Variants in TMEM132D observed in about 807,000 individuals in gnomAD.
TMEM132D encodes transmembrane protein 132D.
TMEM132D carries 21 observed loss-of-function variants against 62.3 expected under a neutral mutation model. That is an observed-to-expected ratio of 0.34 (90% CI 0.24 to 0.49). The LOEUF is 0.49. TMEM132D is among the 20% of genes least tolerant of loss of function. TMEM132D has a pLI of 0.99. For synonymous variants in TMEM132D, 621 were observed against 575.6 expected (o/e 1.08, Z -1.13); for missense variants, 1,346 against 1,402.8 (o/e 0.96, Z 0.65).
chr12:129,494,915 G>A (rs1593037172), intron 3 of TMEM132D, among the ~76,000 whole-genome samples: 2 of 152,284 alleles, frequency 1.3e-5, no homozygotes, highest in Middle Eastern at 3.4e-3. Flanking sequence ...GTGAATGCCA[G>A]TGTCTACAGC....
At chr12:129,717,499 T>G (rs1453436462) in intron 1 of TMEM132D, among the ~76,000 whole-genome samples, 1 of 149,424 alleles carries the variant, frequency 6.7e-6, no homozygotes, top group Non-Finnish European at 1.5e-5. Flanking sequence ...TTAATAAAAA[T>G]ATTTAACATT....
At chr12:129,738,606 GA>G (rs1193839879) in intron 1 of TMEM132D, among the ~76,000 whole-genome samples, 1 of 152,148 alleles carries the variant, frequency 6.6e-6, no homozygotes, top group Non-Finnish European at 1.5e-5. Flanking sequence ...TTTGGGGGAG[GA>G]AATTGGAAAT....
intron 3 of TMEM132D, among the ~76,000 whole-genome samples, chr12:129,353,966 A>G (rs1214038472): frequency 5.3e-5 from 8 of 152,042 alleles, no homozygotes; most frequent in Admixed American, 5.2e-4. Flanking sequence ...TTCCCCAATA[A>G]TGCTCACTAG....
chr12:129,503,776 A>G (rs972333592), intron 3 of TMEM132D, among the ~76,000 whole-genome samples: 2 of 152,194 alleles, frequency 1.3e-5, no homozygotes, highest in Non-Finnish European at 2.9e-5. Flanking sequence ...TTAGGGAACA[A>G]TTATTCTTCT....
chr12:129,211,979 A>T (rs1365142945), intron 4 of TMEM132D: 4 of 152,182 alleles, frequency 2.6e-5, no homozygotes, highest in Non-Finnish European at 4.4e-5. Flanking sequence ...GATCAAAAGG[A>T]ACAAGTGGTA....
chr12:129,479,085 T>G (rs1273609211), intron 3 of TMEM132D, among the ~76,000 whole-genome samples: 2 of 152,182 alleles, frequency 1.3e-5, no homozygotes, highest in Non-Finnish European at 2.9e-5. Context: ...CCATCTGCAG[T>G]ACCCAGTGTT....
At chr12:129,697,216 C>T (rs560424775) in intron 2 of TMEM132D, among the ~76,000 whole-genome samples, 6 of 152,142 alleles carry the variant, frequency 3.9e-5, no homozygotes, top group Non-Finnish European at 8.8e-5. Context: ...TGGAGAAAAG[C>T]GCCCAAGGAT....
At chr12:129,740,880 T>C (rs918208194) in intron 1 of TMEM132D, among the ~76,000 whole-genome samples, 2 of 152,248 alleles carry the variant, frequency 1.3e-5, no homozygotes, top group African/African-American at 2.4e-5. Flanking sequence ...CTTTCTGTTA[T>C]CTCAAGGATT....
chr12:129,813,547 A>G (rs1872251192), intron 1 of TMEM132D, among the ~76,000 whole-genome samples: 1 of 150,612 alleles, frequency 6.6e-6, no homozygotes, highest in African/African-American at 2.4e-5. Flanking sequence ...CAGCCAACTC[A>G]CAATAGGCGA....
intron 3 of TMEM132D, among the ~76,000 whole-genome samples, chr12:129,504,214 C>T (rs1012302681): frequency 7.9e-5 from 12 of 152,092 alleles, no homozygotes; most frequent in African/African-American, 2.7e-4. Flanking sequence ...TTATGTCCTT[C>T]GAGAATTCCA....
intron 1 of TMEM132D, among the ~76,000 whole-genome samples, chr12:129,902,826 A>T (rs1236181707): frequency 6.6e-6 from 1 of 152,140 alleles, no homozygotes; most frequent in Non-Finnish European, 1.5e-5. Flanking sequence ...AATTATTTCC[A>T]AATAGGTCAG....
chr12:129,179,508 G>A (rs541730245), intron 5 of TMEM132D, among the ~76,000 whole-genome samples: 2 of 152,188 alleles, frequency 1.3e-5, no homozygotes, highest in South Asian at 2.1e-4. Context: ...GCTGCAGGGC[G>A]ATATTGCTGC....
intron 2 of TMEM132D, among the ~76,000 whole-genome samples, chr12:129,599,316 T>G (rs902524298): frequency 3.9e-5 from 6 of 152,230 alleles, no homozygotes; most frequent in African/African-American, 1.4e-4. Flanking sequence ...TTTCAGTGAA[T>G]TATTAGCAAT....
intron 1 of TMEM132D, among the ~76,000 whole-genome samples, chr12:129,902,140 G>A (rs1481842554): frequency 1.3e-5 from 2 of 152,176 alleles, no homozygotes; most frequent in Non-Finnish European, 2.9e-5. Context: ...CATTTCAACT[G>A]TCTTCATCTA....
intron 4 of TMEM132D, among the ~76,000 whole-genome samples, chr12:129,320,059 G>A (rs1285732698): frequency 6.6e-6 from 1 of 152,198 alleles, no homozygotes; most frequent in African/African-American, 2.4e-5. Flanking sequence ...AAAGGACAGA[G>A]AGAAACTTAG....
chr12:129,370,474 C>T (rs1870558241), intron 3 of TMEM132D, among the ~76,000 whole-genome samples: 1 of 152,206 alleles, frequency 6.6e-6, no homozygotes, highest in South Asian at 2.1e-4. Context: ...GCCCCTTGCA[C>T]ACAGAACAAC....
At chr12:129,398,398 C>T (rs995766459) in intron 3 of TMEM132D, among the ~76,000 whole-genome samples, 2 of 152,224 alleles carry the variant, frequency 1.3e-5, no homozygotes, top group African/African-American at 2.4e-5. Flanking sequence ...GGGAGCAGAG[C>T]AAGAGAGAGC....
At chr12:129,770,251 G>A (rs1593155322) in intron 1 of TMEM132D, among the ~76,000 whole-genome samples, 1 of 142,518 alleles carries the variant, frequency 7.0e-6, no homozygotes, top group Non-Finnish European at 1.5e-5. Context: ...TCAAGCGATT[G>A]TCCTGCCTCA....
intron 5 of TMEM132D, among the ~76,000 whole-genome samples, chr12:129,202,701 C>T (rs531968623): frequency 1.3e-5 from 2 of 152,256 alleles, no homozygotes; most frequent in South Asian, 2.1e-4. Flanking sequence ...CTCCTGGAGA[C>T]TGGAGATGTG....
Sources: allele counts gnomAD v4.1 joint callset (sites outside exome capture counted in the v4.1 genomes callset), GRCh38; gene constraint gnomAD v4.1.1; transcripts MANE v1.5; gene names NCBI Gene and HGNC (gene_info 2026-07-23, HGNC 2026-07-21).